GSN: variants seen among roughly 807,000 people sequenced by gnomAD.
GSN encodes the protein gelsolin, also known as actin-depolymerizing factor.
A neutral mutation model predicts 85.7 loss-of-function variants in GSN; 56 were observed. That is an observed-to-expected ratio of 0.65 (90% CI 0.53 to 0.82). GSN has a LOEUF of 0.82. GSN is among the 40% of genes least tolerant of loss of function. The probability of loss-of-function intolerance (pLI) is 0.00; values close to 1 mark genes in which losing one functional copy is unlikely to be tolerated. For synonymous variants in GSN, 373 were observed against 399.1 expected (o/e 0.93, Z 0.78); for missense variants, 857 against 979.8 (o/e 0.87, Z 1.67).
At chr9:121,305,594 G>A (rs181829855) in intron 4 of GSN, among the ~76,000 whole-genome samples, 2 of 152,324 alleles carry the variant, frequency 1.3e-5, no homozygotes, top group Non-Finnish European at 2.9e-5. Flanking sequence ...GAGGCTCCCT[G>A]ATCTTTGATC....
At chr9:121,330,069 G>A (rs2063719844) in intron 16 of GSN, among the ~76,000 whole-genome samples, 1 of 152,162 alleles carries the variant, frequency 6.6e-6, no homozygotes, top group Non-Finnish European at 1.5e-5. Context: ...GACCAAAAAT[G>A]ATTGCAGCTT....
chr9:121,207,260 G>T (rs892768862), upstream of GSN, among the ~76,000 whole-genome samples: 1 of 152,162 alleles, frequency 6.6e-6, no homozygotes, highest in African/African-American at 2.4e-5. Context: ...TGAGACTTCT[G>T]AGTCAAAGAC....
chr9:121,201,507 G>A, the GSN span: 3 of 152,298 alleles, frequency 2.0e-5, no homozygotes, highest in Non-Finnish European at 4.4e-5. Flanking sequence ...GGCTAGCCAC[G>A]GCCTGACGGG....
intron 10 of GSN, among the ~76,000 whole-genome samples, chr9:121,320,652 C>CAAAAAAAAA (rs564880956): frequency 1.2e-5 from 1 of 81,764 alleles, no homozygotes; most frequent in Non-Finnish European, 2.7e-5. Flanking sequence ...TCTCAAAAAA[C>CAAAAAAAAA]AAAAAAAAAA....
At position 121,332,593 on chromosome 9, in the gene GSN, T is replaced by A; in HGVS notation, c.2186T>A (p.Leu729Gln). The A allele has an allele frequency of 6.2e-7, 1 of 1,613,630 alleles. No homozygotes were observed. The highest frequency in any genetic ancestry group is 1.3e-5 in the African/African-American group (1 of 75,028). ...VDPLDRAMAELAA is the reference protein window; with the variant it reads ...VDPLDRAMAEQAA ...CCCTTGGACAGGGCCATGGCTGAGCTGGCTGCCTGAGGAGGGGCAGGGCCC... is the reference window on the plus strand; with the variant it reads ...CCCTTGGACAGGGCCATGGCTGAGCAGGCTGCCTGAGGAGGGGCAGGGCCC... Residue 729 changes from leucine (L) to glutamine (Q), a missense_variant, in exon 18 of 18, where the codon CTG becomes CAG. Coordinates refer to ENST00000432226, the MANE Select transcript of GSN (RefSeq NM_198252.3). This position sits in a 1 kb window ranked among gnomAD's most constrained non-coding sequence, Gnocchi z 4.8.
chr9:121,326,474 C>G, intron 12 of GSN, 38 bp from the exon 13 acceptor site: 1 of 1,584,638 alleles, frequency 6.3e-7, no homozygotes. Context: ...GAAGCCTGCC[C>G]CCAAGGTCCC....
intron 4 of GSN, among the ~76,000 whole-genome samples, chr9:121,212,819 TA>T (rs1232244950): frequency 1.3e-5 from 2 of 151,968 alleles, no homozygotes; most frequent in Non-Finnish European, 2.9e-5. Context: ...AATTTTTGTA[TA>T]TTTTTTTTAG....
chr9:121,324,298 A>C (rs113639284), intron 11 of GSN, among the ~76,000 whole-genome samples: 4,122 of 152,340 alleles, frequency 0.027, 194 homozygotes, highest in African/African-American at 0.094. Flanking sequence ...TGACCCAGCC[A>C]GTCTCCTGTG....
intron 11 of GSN, among the ~76,000 whole-genome samples, chr9:121,323,389 T>TTTTTTTG (rs1554822114): frequency 5.3e-5 from 8 of 149,976 alleles, no homozygotes; most frequent in East Asian, 2.0e-4. Flanking sequence ...TTTTTTTTTT[T>TTTTTTTG]AGACAGAGTC....
chr9:121,233,267 C>A (rs2054429464), intron 5 of GSN, among the ~76,000 whole-genome samples: 1 of 152,038 alleles, frequency 6.6e-6, no homozygotes, highest in South Asian at 2.1e-4. Flanking sequence ...AGTTCAAGAC[C>A]AGCCTGATTA....
At chr9:121,239,323 C>T (rs2132188022) in intron 5 of GSN, 1 of 403,744 alleles carries the variant, frequency 2.5e-6, no homozygotes, top group Non-Finnish European at 4.8e-6. Context: ...GATGGCAATC[C>T]ACCCAATAGT....
chr9:121,227,045 T>C (rs1315637102), intron 4 of GSN, among the ~76,000 whole-genome samples: 1 of 148,646 alleles, frequency 6.7e-6, no homozygotes, highest in Non-Finnish European at 1.5e-5. Context: ...CCAGACGTTG[T>C]CCCATGTGTC....
At chr9:121,227,786 A>G (rs532766121) in intron 4 of GSN, among the ~76,000 whole-genome samples, 270 of 152,130 alleles carry the variant, frequency 1.8e-3, no homozygotes, top group Non-Finnish European at 2.4e-3. Flanking sequence ...TTTTTTTTCT[A>G]TATTTAATAC....
At chr9:121,279,416 GT>G (rs2057067884) in intron 1 of GSN, among the ~76,000 whole-genome samples, 1 of 152,108 alleles carries the variant, frequency 6.6e-6, no homozygotes, top group Non-Finnish European at 1.5e-5. Context: ...AGTTAGGAAG[GT>G]TCTGCAGTCA....
chr9:121,237,974 A>G (rs2054529968), intron 5 of GSN: 1 of 152,266 alleles, frequency 6.6e-6, no homozygotes, highest in African/African-American at 2.4e-5. Context: ...CACTGGAACA[A>G]TATGTTACGT....
At chr9:121,300,245 T>C (rs2133154973) in intron 2 of GSN, 1 of 732,372 alleles carries the variant, frequency 1.4e-6, no homozygotes, top group Admixed American at 1.8e-5. Context: ...TTTTCCCCTG[T>C]CCTCCTCTAA....
chr9:121,221,275 A>T (rs980900449), intron 4 of GSN, among the ~76,000 whole-genome samples: 4 of 152,192 alleles, frequency 2.6e-5, no homozygotes, highest in Non-Finnish European at 4.4e-5. Flanking sequence ...GTTCTTCCCA[A>T]AATAAAAAAA....
In GSN at chr9:121,332,727, T is replaced by C. The variant is rs1479119993; in HGVS notation, c.*124T>C. On this transcript the variant is annotated 3_prime_UTR_variant, in exon 18 of 18. Transcript: ENST00000432226. The surrounding 1 kb of genome is among the most constrained non-coding windows in gnomAD (Gnocchi z 4.8). ...GTGTGTGTGTGTGTGTGTTGTTTCT[T>C]TTTTTTTTTTTTACAGTATCCAAAA... is the stretch of plus-strand genomic sequence containing the variant. 4 of 340,014 alleles carry C rather than the reference T, an allele frequency of 1.2e-5. No individual in the cohort carries two copies. The Admixed American group carries it at 2.1e-4, about 18-fold the overall frequency. The allele number at this position is 340,014 out of a possible 1,614,324, so 21.1% of individuals were successfully genotyped here.
chr9:121,249,292 G>A (rs1312268046), intron 6 of GSN, among the ~76,000 whole-genome samples: 2 of 151,460 alleles, frequency 1.3e-5, no homozygotes, highest in African/African-American at 4.9e-5. Context: ...AACCTGGTCT[G>A]TACAAAAAAA....
Sources: allele counts gnomAD v4.1 joint callset (sites outside exome capture counted in the v4.1 genomes callset), GRCh38; gene constraint gnomAD v4.1.1; non-coding constraint Gnocchi (gnomAD v3.1); transcripts MANE v1.5; gene names NCBI Gene and HGNC (gene_info 2026-07-23, HGNC 2026-07-21).